The following ABCA12 variants were observed in gnomAD, a reference collection of about 807,000 sequenced individuals.
The protein encoded by ABCA12 is glucosylceramide transporter ABCA12.
A neutral mutation model predicts 293.5 loss-of-function variants in ABCA12; 156 were observed. That is an observed-to-expected ratio of 0.53 (90% CI 0.47 to 0.61). ABCA12 has a LOEUF of 0.61. Among genes scored for constraint, ABCA12 ranks in the 20% least tolerant of loss-of-function variants. ABCA12 has a pLI of 0.00. For missense variants in ABCA12, 2,797 were observed against 3,090.2 expected, an observed-to-expected ratio of 0.91 and a Z score of 2.25; for synonymous variants, 1,063 against 1,108.0, an observed-to-expected ratio of 0.96 and a Z score of 0.81.
At chr2:215,126,407 C>G (rs1702923781) in intron 1 of ABCA12, among the ~76,000 whole-genome samples, 1 of 152,088 alleles carries the variant, frequency 6.6e-6, no homozygotes. Context: ...TGGTAGAATT[C>G]TGCTGTGAAT....
chr2:215,040,889 G>C (rs1559162016), intron 7 of ABCA12, among the ~76,000 whole-genome samples: 10 of 152,120 alleles, frequency 6.6e-5, no homozygotes. Flanking sequence ...AAAAAAAAGG[G>C]GGGGTGTGAA....
intron 48 of ABCA12, 148 bp downstream of exon 48, chr2:214,947,274 G>T (rs766207271): frequency 2.8e-6 from 3 of 1,058,692 alleles, no homozygotes; most frequent in Non-Finnish European, 4.3e-6. Context: ...TATTGAGATA[G>T]TATACATAAA....
chr2:215,134,320 A>ATGTATATATGTACATATATATGTATATG (rs1703133210), intron 1 of ABCA12, among the ~76,000 whole-genome samples: 1 of 147,114 alleles, frequency 6.8e-6, no homozygotes, highest in South Asian at 2.1e-4. Flanking sequence ...ATGTGTATAT[A>ATGTATATATGTACATATATATGTATATG]TGTATATATG....
chr2:214,970,862 G>A (rs1278865778), intron 36 of ABCA12, among the ~76,000 whole-genome samples: 3 of 151,992 alleles, frequency 2.0e-5, no homozygotes, highest in African/African-American at 7.2e-5. Context: ...TGCAACCTAA[G>A]ACTCAGCTTA....
chr2:214,948,984 A>T (rs551218693), intron 46 of ABCA12, 56 bp downstream of exon 46: 5 of 1,432,774 alleles, frequency 3.5e-6, no homozygotes, highest in Non-Finnish European at 4.9e-6. Flanking sequence ...CATTTCAATT[A>T]TTTTTCTCAT....
rs749036713 is a variant in ABCA12 at position 214,955,236 on chromosome 2, AC to A, written c.6358del (p.Val2120TyrfsTer14). 6.2e-7 allele frequency: 1 copy of A among 1,614,142 alleles called. No homozygotes were observed. Among genetic ancestry groups the A allele is most frequent in the Non-Finnish European group, 8.5e-7 (1 of 1,179,992 alleles). Reference sequence around the variant, plus strand: ...AGGCTTTTCCTTGGAAAGAAAGTATACCACTGACAGGGAAACAATGGAATTA... The same window carrying A: ...AGGCTTTTCCTTGGAAAGAAAGTATACACTGACAGGGAAACAATGGAATTA... ...GINSIVSLSV[V>X]YFLSKEKPND... On this transcript the variant is annotated frameshift_variant, in exon 43 of 53. Coordinates refer to ENST00000272895, the MANE Select transcript of ABCA12 (RefSeq NM_173076.3). LOFTEE classifies it high-confidence loss of function.
In ABCA12 at chr2:214,956,604, T is replaced by A. The variant is rs538172004; in HGVS notation, c.6233+59A>T. 8.0e-6 allele frequency: 10 copies of A among 1,247,588 alleles called. No homozygotes were observed. In the Admixed American group the frequency reaches 1.6e-4, roughly 20 times the overall value. 77.3% of individuals were successfully genotyped at this position (1,247,588 alleles called of 1,614,324 possible). ...TAGCTAATGAGATTTAAGTCCTATT[T>A]GTGTCTAGGGGCATTTAATTCTATT... On this transcript the variant is annotated intron_variant, in intron 42 of 52. Transcript: ENST00000272895.
chr2:215,098,810 AT>A (rs1702295782), intron 2 of ABCA12, among the ~76,000 whole-genome samples: 1 of 152,252 alleles, frequency 6.6e-6, no homozygotes, highest in African/African-American at 2.4e-5. Flanking sequence ...TAAAACAGTA[AT>A]AGCTCAAAAA....
Position 215,103,216 on chromosome 2 carries a change from T to C in ABCA12, c.163+8381A>G, listed in dbSNP as rs533821044. On this transcript the variant is annotated intron_variant, in intron 2 of 52. Transcript: ENST00000272895. ...CAACAGGCGCCCTTTAAATATGTGA[T>C]GATGGCAAGAATAAATGTGAAACTT... Among the ~76,000 whole-genome samples the C allele has an allele frequency of 5.9e-5, 9 of 152,032 alleles. No homozygotes were observed. The East Asian group carries it at 1.2e-3, about 20-fold the overall frequency.
rs777175297 is a variant in ABCA12, at chr2:215,036,976, T to C, written c.962A>G (p.Tyr321Cys). The C allele has an allele frequency of 2.5e-6, 4 of 1,613,796 alleles. No individual in the cohort carries two copies. The highest frequency in any genetic ancestry group is 1.1e-5 in the South Asian group (1 of 91,086). Residue 321 changes from tyrosine (Y) to cysteine (C), a missense_variant, in exon 8 of 53, where the codon TAC becomes TGC. By Grantham distance (194) the Tyr-to-Cys change is radical (BLOSUM62 -2). Transcript: ENST00000272895. ...TLQKSVKHLL[Y>C]TLDSPAQGDS... ...ACCTTGAGCTGGGGAGTCCAGAGTG[T>C]ACAGCAGATGTTTAACAGACTTCTG...
intron 8 of ABCA12, 108 bp downstream of exon 8, chr2:215,036,845 C>T (rs1489407494): frequency 1.0e-6 from 1 of 989,818 alleles, no homozygotes. Flanking sequence ...TATGTCCCCA[C>T]CTAAGAATAA....
intron 7 of ABCA12, among the ~76,000 whole-genome samples, chr2:215,039,870 T>C (rs1031297986): frequency 6.6e-6 from 1 of 152,094 alleles, no homozygotes; most frequent in Non-Finnish European, 1.5e-5. Flanking sequence ...ATTTAATAAA[T>C]ATAAAAATTA....
At position 215,001,579 on chromosome 2, in the gene ABCA12, T is replaced by C; in HGVS notation, c.2842A>G (p.Lys948Glu). Reference protein sequence around the residue: ...EMEREAKRLYKSNELFGSVIF... With the variant: ...EMEREAKRLYESNELFGSVIF... ...TTACTTCCAAAGAGTTCGTTGCTTT[T>C]GTAGAGCCTTTTAGCCTCTCTCTCC... Residue 948 changes from lysine to glutamate, a missense_variant, in exon 21 of 53, where the codon AAA (lysine) becomes GAA (glutamate). By Grantham distance (56) the Lys-to-Glu change is moderately conservative (BLOSUM62 1). This residue lies in a region of ABCA12 where 2,130 missense variants were observed against 2,427.0 expected (regional missense o/e 0.88). Coordinates refer to ENST00000272895, the MANE Select transcript of ABCA12 (RefSeq NM_173076.3). 1.2e-6 allele frequency: 2 copies of C among 1,613,754 alleles called. No homozygotes were observed. Among genetic ancestry groups the C allele is most frequent in the South Asian group, 2.2e-5 (2 of 91,078 alleles).
intron 2 of ABCA12, among the ~76,000 whole-genome samples, chr2:215,108,378 A>C (rs1333845644): frequency 2.6e-5 from 4 of 152,180 alleles, no homozygotes; most frequent in African/African-American, 7.2e-5. Flanking sequence ...TCACTTTTAC[A>C]AAATGTAAAT....
rs558144862 is a variant in ABCA12 at position 214,997,773 on chromosome 2, C to T, written c.3216G>A (p.Val1072=). The T allele has an allele frequency of 6.8e-6, 11 of 1,613,350 alleles. No individual in the cohort carries two copies. The South Asian group carries it at 1.2e-4, about 18-fold the overall frequency. ...LTSVSYSLPI[V]LMVAWVVFIA... ...TAAATACAACCCAGGCAACCATAAG[C>T]ACAATTGGAAGAGAATAAGAGACAC... The change falls in exon 23 of 53, where the codon GTG becomes GTA. Residue 1072 remains valine (V), a synonymous_variant. Coordinates refer to ENST00000272895, the MANE Select transcript of ABCA12 (RefSeq NM_173076.3).
chr2:215,131,793 G>T (rs936660260), intron 1 of ABCA12, among the ~76,000 whole-genome samples: 1 of 94,972 alleles, frequency 1.1e-5, no homozygotes, highest in Non-Finnish European at 2.3e-5. Flanking sequence ...ATTTTATTTT[G>T]CTCTTGTTTT....
chr2:215,081,478 C>CAAA (rs1242587402), intron 2 of ABCA12, among the ~76,000 whole-genome samples: 632 of 17,160 alleles, frequency 0.037, 13 homozygotes, highest in Middle Eastern at 0.2. Context: ...GACTCTGTCT[C>CAAA]AAAAAAAAAA....
chr2:215,054,603 G>C lies in ABCA12; in HGVS notation c.379C>G (p.Gln127Glu). 1 of 1,612,098 alleles carries C rather than the reference G, an allele frequency of 6.2e-7. No individual in the cohort carries two copies. The highest frequency in any genetic ancestry group is 1.1e-5 in the South Asian group (1 of 91,054). Residue 127 changes from glutamine (Q) to glutamate (E), a missense_variant, in exon 4 of 53, where the codon CAA becomes GAA. Gln to Glu is a conservative substitution (Grantham distance 29). Coordinates refer to ENST00000272895, the MANE Select transcript of ABCA12 (RefSeq NM_173076.3). ...KDSSLSFQST[Q>E]VPERRHASLA... ...GATGCATGCCTTCTTTCTGGAACTT[G>C]GGTGCTCTGGAATGATAAACTGCTG...
At position 215,015,937 on chromosome 2, in the gene ABCA12, G is replaced by T. The variant is rs769267816; in HGVS notation, c.1783-274C>A. Among the ~76,000 whole-genome samples, 9 of 148,872 alleles carry T rather than the reference G, an allele frequency of 6.0e-5. No individual in the cohort carries two copies. The South Asian group carries it at 6.4e-4, about 11-fold the overall frequency. On this transcript the variant is annotated intron_variant, in intron 14 of 52. Coordinates refer to ENST00000272895, the MANE Select transcript of ABCA12 (RefSeq NM_173076.3). ...AGGCGGGTGGATCACGAGGTCAGGA[G>T]TTCGAGACCAGCCTGGCCAACATGG...
Sources: gnomAD v4.1 joint callset for allele counts (sites outside exome capture counted in the v4.1 genomes callset) on GRCh38, gnomAD v4.1.1 for gene constraint, gnomAD v4.1.1 regional missense constraint, MANE v1.5 for transcripts, NCBI Gene and HGNC (gene_info 2026-07-23, HGNC 2026-07-21) for gene names.